DNAAF9: variants seen among roughly 807,000 people sequenced by gnomAD.
The protein encoded by DNAAF9 is dynein axonemal assembly factor 9.
A neutral mutation model predicts 167.0 loss-of-function variants in DNAAF9; 90 were observed. The observed-to-expected ratio is 0.54, with a 90% CI of 0.45 to 0.64. DNAAF9 has a LOEUF of 0.64. DNAAF9 is among the 30% of genes least tolerant of loss of function. The pLI, the probability that DNAAF9 is intolerant of heterozygous loss-of-function variation, is 0.00. For synonymous variants in DNAAF9, 491 were observed against 508.8 expected (o/e 0.96, Z 0.47); for missense variants, 1,315 against 1,442.2 (o/e 0.91, Z 1.43).
At chr20:3,336,878 T>A (rs1242855131) in intron 10 of DNAAF9, among the ~76,000 whole-genome samples, 2 of 142,502 alleles carry the variant, frequency 1.4e-5, no homozygotes, top group African/African-American at 2.5e-5. Flanking sequence ...TGGTTTTCCT[T>A]TTTCTTTTTT....
chr20:3,279,463 G>T (rs969997201), intron 28 of DNAAF9, among the ~76,000 whole-genome samples: 2 of 152,176 alleles, frequency 1.3e-5, no homozygotes, highest in Non-Finnish European at 2.9e-5. Flanking sequence ...GAAGCAAGAG[G>T]TGGGGGTGAC....
chr20:3,406,949 G>A (rs1042520519), intron 1 of DNAAF9, among the ~76,000 whole-genome samples: 1 of 152,042 alleles, frequency 6.6e-6, no homozygotes, highest in Non-Finnish European at 1.5e-5. Flanking sequence ...GTTGTCAAGG[G>A]CAAAGGCTCT....
Position 3,397,783 on chromosome 20 carries a change from C to T in DNAAF9, c.83+9692G>A, listed in dbSNP as rs116959498. Among the ~76,000 whole-genome samples the T allele has an allele frequency of 2.8e-4, 42 of 151,984 alleles. 1 individual carries two copies. In the East Asian group the frequency reaches 7.9e-3, roughly 29 times the overall value. On this transcript the variant is annotated intron_variant, in intron 1 of 36. Transcript: ENST00000252032. ...ATAGATTTCCTAATAATGAACAATT[C>T]TTGCATTTATTGGACAAAGCCTACA...
At chr20:3,375,193 T>C (rs2083559566) in intron 4 of DNAAF9, 67 bp from the exon 5 acceptor site, 1 of 1,015,838 alleles carries the variant, frequency 9.8e-7, no homozygotes, top group African/African-American at 1.6e-5. Context: ...ATATTTTCTC[T>C]GCATTTTGTC....
chr20:3,350,132 GAC>G (rs1306670611), intron 7 of DNAAF9, among the ~76,000 whole-genome samples: 3 of 137,652 alleles, frequency 2.2e-5, no homozygotes, highest in East Asian at 2.1e-4. Context: ...CAGACACACA[GAC>G]ACACAGACAC....
At chr20:3,342,505 A>C (rs1301382263) in intron 9 of DNAAF9, among the ~76,000 whole-genome samples, 1 of 152,158 alleles carries the variant, frequency 6.6e-6, no homozygotes, top group Non-Finnish European at 1.5e-5. Flanking sequence ...CGTAGTTCTC[A>C]GTGAATATTT....
intron 30 of DNAAF9, among the ~76,000 whole-genome samples, chr20:3,267,452 C>T (rs1263046760): frequency 1.3e-5 from 2 of 152,104 alleles, no homozygotes; most frequent in Non-Finnish European, 2.9e-5. Flanking sequence ...ACTTAGAAAC[C>T]AAGATACAGA....
chr20:3,374,200 T>C, intron 5 of DNAAF9, 46 bp from the exon 6 acceptor site: 3 of 1,341,480 alleles, frequency 2.2e-6, no homozygotes, highest in Non-Finnish European at 3.2e-6. Context: ...CCATCCTGAA[T>C]ATAACAGTCT....
rs1363644262 is a variant in DNAAF9 at position 3,398,241 on chromosome 20, CGA to C, written c.83+9232_83+9233del. ...GCGCAACCAGGTAGTGAGAAGCAGA[CGA>C]GAGACAGCATAGACAGAGTTAACTG... On this transcript the variant is annotated intron_variant, in intron 1 of 36. Coordinates refer to ENST00000252032, the MANE Select transcript of DNAAF9 (RefSeq NM_001009984.3). Among the ~76,000 whole-genome samples the C allele has an allele frequency of 4.1e-4, 63 of 152,282 alleles. 1 individual carries two copies. Among genetic ancestry groups the C allele is most frequent in the East Asian group, 3.9e-4 (2 of 5,188 alleles).
chr20:3,257,128 T>A (rs1020835195), intron 33 of DNAAF9, among the ~76,000 whole-genome samples: 1 of 151,872 alleles, frequency 6.6e-6, no homozygotes, highest in Non-Finnish European at 1.5e-5. Context: ...ACCCAAGAAG[T>A]GGGCAAGGGC....
chr20:3,259,685 C>T, intron 32 of DNAAF9, 131 bp from the exon 33 acceptor site: 1 of 733,476 alleles, frequency 1.4e-6, no homozygotes, highest in Non-Finnish European at 2.5e-6. Context: ...GTTCTACCCG[C>T]CACACCCTGT....
chr20:3,368,330 T>G (rs1375292275), intron 6 of DNAAF9, among the ~76,000 whole-genome samples: 1 of 152,114 alleles, frequency 6.6e-6, no homozygotes, highest in Non-Finnish European at 1.5e-5. Context: ...TCACATTGAT[T>G]GTTTCCGTCT....
chr20:3,393,737 G>T (rs150870887), intron 1 of DNAAF9, among the ~76,000 whole-genome samples: 1 of 152,126 alleles, frequency 6.6e-6, no homozygotes, highest in Non-Finnish European at 1.5e-5. Flanking sequence ...AGGTTAAGAG[G>T]TGCCTGCATT....
intron 22 of DNAAF9, 30 bp downstream of exon 22, chr20:3,297,999 G>C: frequency 1.3e-6 from 2 of 1,576,110 alleles, no homozygotes; most frequent in Non-Finnish European, 1.7e-6. Flanking sequence ...AAAAGTAGTA[G>C]TAGTTTTGCT....
intron 1 of DNAAF9, among the ~76,000 whole-genome samples, chr20:3,391,526 C>T (rs1328373131): frequency 6.6e-6 from 1 of 151,776 alleles, no homozygotes; most frequent in Non-Finnish European, 1.5e-5. Context: ...TCCTCACCCC[C>T]CAGAGGTCAC....
chr20:3,254,791 G>T (rs2068250216), intron 35 of DNAAF9, among the ~76,000 whole-genome samples: 1 of 152,208 alleles, frequency 6.6e-6, no homozygotes, highest in African/African-American at 2.4e-5. Flanking sequence ...CCTGGAGGCT[G>T]GGAGGCTCAT....
chr20:3,309,391 T>C (rs769253298), intron 20 of DNAAF9, among the ~76,000 whole-genome samples: 25 of 152,214 alleles, frequency 1.6e-4, no homozygotes, highest in Admixed American at 2.6e-4. Flanking sequence ...GTTAATCCAC[T>C]CACTCTGTGG....
intron 9 of DNAAF9, among the ~76,000 whole-genome samples, chr20:3,342,827 A>G (rs898259509): frequency 6.6e-6 from 1 of 152,194 alleles, no homozygotes; most frequent in Non-Finnish European, 1.5e-5. Flanking sequence ...CCTGCTGATC[A>G]TGACAAAAGA....
intron 30 of DNAAF9, among the ~76,000 whole-genome samples, chr20:3,269,957 CAAA>C (rs535165977): frequency 1.1e-5 from 1 of 92,154 alleles, no homozygotes. Context: ...GACTCCGTCT[CAAA>C]AAAAAAAAAA....
Sources: gnomAD v4.1 joint callset for allele counts (sites outside exome capture counted in the v4.1 genomes callset) on GRCh38, gnomAD v4.1.1 for gene constraint, MANE v1.5 for transcripts, NCBI Gene and HGNC (gene_info 2026-07-23, HGNC 2026-07-21) for gene names.